Variants in SPSB4 observed in about 807,000 individuals in gnomAD.
The protein encoded by SPSB4 is splA/ryanodine receptor domain and SOCS box containing 4, also known as SPRY domain-containing SOCS box protein 4.
In SPSB4, 21 loss-of-function variants were observed where a neutral mutation model predicts 20.9. The ratio of observed to expected loss-of-function variants is 1.01; its 90% confidence interval spans 0.71 to 1.45. SPSB4 has a LOEUF of 1.45. Ranked by LOEUF, SPSB4 falls within the 40% of genes most tolerant of loss-of-function variation. The pLI, the probability that SPSB4 is intolerant of heterozygous loss-of-function variation, is 0.00. For missense variants in SPSB4, 399 were observed against 399.2 expected (o/e 1.00, Z 0.00); for synonymous variants, 207 against 183.8 (o/e 1.13, Z -1.02).
chr3:141,056,304 T>C (rs548020481), intron 1 of SPSB4, among the ~76,000 whole-genome samples: 1 of 152,362 alleles, frequency 6.6e-6, no homozygotes, highest in Admixed American at 6.5e-5. Flanking sequence ...ACCTGTTATC[T>C]ACCTTCAGGA....
At chr3:141,135,338 T>TTTATTATTATTA (rs56836958) in intron 2 of SPSB4, among the ~76,000 whole-genome samples, 8,038 of 148,780 alleles carry the variant, frequency 0.054, 356 homozygotes, top group Admixed American at 0.16. Context: ...CAGTTTTTCT[T>TTTATTATTATTA]TTATTATTAT....
chr3:141,103,668 C>T (rs1442849378), intron 2 of SPSB4, among the ~76,000 whole-genome samples: 4 of 152,116 alleles, frequency 2.6e-5, no homozygotes, highest in Non-Finnish European at 4.4e-5. Flanking sequence ...GCACACCAGC[C>T]GCAACCCTCC....
In SPSB4 at chr3:141,066,368, C is replaced by A. The variant is rs1399088707; in HGVS notation, c.264C>A (p.Arg88=). 1.9e-6 allele frequency: 3 copies of A among 1,554,942 alleles called. No individual in the cohort carries two copies. Residue 88 remains arginine (R), a synonymous_variant, in exon 2 of 3, where the codon CGC becomes CGA. Transcript: ENST00000310546. ...TGGCCCAGAGCACCGACGGCATCCG[C>A]GGCAAGGTGGGCCACGCCCGCGGCC... ...HPVAQSTDGI[R]GKVGHARGLH...
At chr3:141,105,227 C>T (rs1338559178) in intron 2 of SPSB4, among the ~76,000 whole-genome samples, 5 of 152,168 alleles carry the variant, frequency 3.3e-5, no homozygotes, top group African/African-American at 1.2e-4. Context: ...GGCTTTGAGG[C>T]TGAGGTGCGT....
intron 2 of SPSB4, among the ~76,000 whole-genome samples, chr3:141,082,631 C>G (rs553319646): frequency 1.1e-3 from 171 of 151,354 alleles, no homozygotes; most frequent in Middle Eastern, 3.4e-3. Flanking sequence ...ATCTATCTAT[C>G]TATCTATCTA....
At chr3:141,097,995 A>C (rs1938570311) in intron 2 of SPSB4, among the ~76,000 whole-genome samples, 1 of 152,204 alleles carries the variant, frequency 6.6e-6, no homozygotes. Flanking sequence ...TGCCAGAGAC[A>C]TCTAAGGTCA....
At position 141,066,337 on chromosome 3, in the gene SPSB4, A is replaced by AC; in HGVS notation, c.237dup (p.Val80ArgfsTer57). 1 of 1,563,736 alleles carries AC rather than the reference A, an allele frequency of 6.4e-7. No homozygotes were observed. On this transcript the variant is annotated frameshift_variant, in exon 2 of 3. Coordinates refer to ENST00000310546, the MANE Select transcript of SPSB4 (RefSeq NM_080862.3). LOFTEE classifies it high-confidence loss of function. ...GACGACCGGCTCACCTTCCACCGGC[A>AC]CCCCGTGGCCCAGAGCACCGACGGC...
chr3:141,087,494 T>C (rs1450635068), intron 2 of SPSB4, among the ~76,000 whole-genome samples: 4 of 152,116 alleles, frequency 2.6e-5, no homozygotes, highest in African/African-American at 9.7e-5. Context: ...ATGTCCAGCA[T>C]GTGCTGGGGG....
chr3:141,085,332 A>T (rs4683549), intron 2 of SPSB4, among the ~76,000 whole-genome samples: 17,121 of 152,212 alleles, frequency 0.11, 1,089 homozygotes, highest in African/African-American at 0.15. Flanking sequence ...CTCATGGAAG[A>T]GAAGTCTGGA....
At chr3:141,062,157 G>C (rs1456640250) in intron 1 of SPSB4, among the ~76,000 whole-genome samples, 1 of 152,072 alleles carries the variant, frequency 6.6e-6, no homozygotes, top group Non-Finnish European at 1.5e-5. Context: ...TGACCTTGCC[G>C]GTTAGGTCAG....
intron 2 of SPSB4, among the ~76,000 whole-genome samples, chr3:141,116,108 A>G (rs1420012399): frequency 2.0e-5 from 3 of 152,192 alleles, no homozygotes; most frequent in African/African-American, 7.2e-5. Flanking sequence ...AAGTTTGCTC[A>G]AGCATAGCTG....
chr3:141,066,072 T>TGGCCTGCAGCGGC lies in SPSB4; in HGVS notation c.-32_-20dup, dbSNP rs1937861747. ...AGTGGAGGCTCCCACGAGGTAGCGG[T>TGGCCTGCAGCGGC]GGCCTGCAGCGGCCTCCTCCCCGCA... On this transcript the variant is annotated 5_prime_UTR_variant, in exon 2 of 3. Coordinates refer to ENST00000310546, the MANE Select transcript of SPSB4 (RefSeq NM_080862.3). 6.8e-7 allele frequency: 1 copy of TGGCCTGCAGCGGC among 1,475,348 alleles called. No homozygotes were observed. The highest frequency in any genetic ancestry group is 8.9e-7 in the Non-Finnish European group (1 of 1,120,796). The allele number at this position is 1,475,348 out of a possible 1,614,324, so 91.4% of individuals were successfully genotyped here.
At chr3:141,112,926 T>G (rs1405041233) in intron 2 of SPSB4, among the ~76,000 whole-genome samples, 1 of 152,158 alleles carries the variant, frequency 6.6e-6, no homozygotes, top group Non-Finnish European at 1.5e-5. Flanking sequence ...TTTAGGTAGC[T>G]AGGACAATGG....
chr3:141,129,002 C>T (rs941184279), intron 2 of SPSB4, among the ~76,000 whole-genome samples: 1 of 152,192 alleles, frequency 6.6e-6, no homozygotes, highest in African/African-American at 2.4e-5. Flanking sequence ...TTCAGAGCCA[C>T]TGCACACATC....
chr3:141,097,504 C>G (rs996472474), intron 2 of SPSB4, among the ~76,000 whole-genome samples: 1 of 152,148 alleles, frequency 6.6e-6, no homozygotes, highest in African/African-American at 2.4e-5. Context: ...GTGATCCACC[C>G]GCCTCAGCCT....
At chr3:141,107,431 AAC>A (rs1027591447) in intron 2 of SPSB4, among the ~76,000 whole-genome samples, 1 of 152,226 alleles carries the variant, frequency 6.6e-6, no homozygotes, top group Non-Finnish European at 1.5e-5. Context: ...CGACAGAGAA[AAC>A]AGAGTTGGGC....
At chr3:141,123,783 C>T (rs889559560) in intron 2 of SPSB4, among the ~76,000 whole-genome samples, 16 of 152,186 alleles carry the variant, frequency 1.1e-4, no homozygotes, top group East Asian at 1.9e-4. Flanking sequence ...TGGGAAGATC[C>T]GTGGAGCAGG....
intron 2 of SPSB4, among the ~76,000 whole-genome samples, chr3:141,119,266 T>A (rs111968960): frequency 6.6e-6 from 1 of 152,148 alleles, no homozygotes; most frequent in Non-Finnish European, 1.5e-5. Context: ...TGAATGGGAG[T>A]TCACTCATGA....
intron 1 of SPSB4, among the ~76,000 whole-genome samples, chr3:141,061,416 A>G (rs1937758727): frequency 6.6e-6 from 1 of 152,056 alleles, no homozygotes; most frequent in Non-Finnish European, 1.5e-5. Context: ...CATTTATTTA[A>G]CCTTTTCTAA....
Sources: allele counts gnomAD v4.1 joint callset (sites outside exome capture counted in the v4.1 genomes callset), GRCh38; gene constraint gnomAD v4.1.1; transcripts MANE v1.5; gene names NCBI Gene and HGNC (gene_info 2026-07-23, HGNC 2026-07-21).